BAZ2B: variants seen among roughly 807,000 people sequenced by gnomAD.
BAZ2B encodes bromodomain adjacent to zinc finger domain 2B, also known as bromodomain adjacent to zinc finger domain protein 2B.
In BAZ2B, 91 loss-of-function variants were observed where a neutral mutation model predicts 246.0. The ratio of observed to expected loss-of-function variants is 0.37; its 90% CI spans 0.31 to 0.44. BAZ2B has a LOEUF of 0.44. BAZ2B is among the 20% of genes least tolerant of loss of function. BAZ2B has a pLI of 1.00. For synonymous variants in BAZ2B, 855 were observed against 860.0 expected, an observed-to-expected ratio of 0.99 and a Z score of 0.10; for missense variants, 2,332 against 2,533.7, an observed-to-expected ratio of 0.92 and a Z score of 1.71.
chr2:159,705,969 A>G, the BAZ2B span, among the ~76,000 whole-genome samples: 17 of 143,820 alleles, frequency 1.2e-4, no homozygotes, highest in Admixed American at 4.2e-4. Flanking sequence ...TTTAGAGAAA[A>G]GGTACTATAG....
intron 2 of BAZ2B, chr2:159,555,454 TTA>T (rs2088983602): frequency 6.6e-6 from 1 of 152,166 alleles, no homozygotes; most frequent in Non-Finnish European, 1.5e-5. Context: ...TAATTTACTT[TTA>T]TATATATTTC....
intron 27 of BAZ2B, among the ~76,000 whole-genome samples, chr2:159,372,215 T>C (rs2060925687): frequency 6.6e-6 from 1 of 152,218 alleles, no homozygotes; most frequent in African/African-American, 2.4e-5. Flanking sequence ...GTCTAGCACA[T>C]AGCAGGCATT....
the BAZ2B span, among the ~76,000 whole-genome samples, chr2:159,673,344 A>G: frequency 6.6e-6 from 1 of 152,200 alleles, no homozygotes; most frequent in Non-Finnish European, 1.5e-5. Context: ...TAAAAACTCT[A>G]AAGTTTGACA....
chr2:159,350,582 T>C (rs2058444895), intron 27 of BAZ2B, among the ~76,000 whole-genome samples: 1 of 152,104 alleles, frequency 6.6e-6, no homozygotes, highest in South Asian at 2.1e-4. Context: ...TTACATTTTA[T>C]TTTGAGATGG....
rs1359484603 is a variant in BAZ2B at position 159,319,820 on chromosome 2, G to A, written c.*445C>T. ...CACAGAAAACGAAGATTCTGGATGT[G>A]GTTTAATCATAAATAATTCATAAAA... On this transcript the variant is annotated 3_prime_UTR_variant, in exon 37 of 37. Transcript: ENST00000392783. The surrounding 1 kb of genome is among the most constrained non-coding windows in gnomAD (Gnocchi z 4.0). 6.6e-6 allele frequency: 1 copy of A among 152,104 alleles called. No individual in the cohort carries two copies. Among genetic ancestry groups the A allele is most frequent in the Non-Finnish European group, 1.5e-5 (1 of 67,934 alleles). The allele number at this position is 152,104 out of a possible 1,614,324, so 9.4% of individuals were successfully genotyped here. A position where few individuals can be genotyped will look rare whatever the true frequency, so the allele number is the denominator to read the frequency against.
upstream of BAZ2B, among the ~76,000 whole-genome samples, chr2:159,620,575 G>A (rs1291853030): frequency 1.3e-5 from 2 of 152,144 alleles, no homozygotes; most frequent in Non-Finnish European, 2.9e-5. Flanking sequence ...GATGTTATTT[G>A]AACTGCATCT....
chr2:159,495,211 C>T (rs1048975670), intron 2 of BAZ2B, among the ~76,000 whole-genome samples: 6 of 152,010 alleles, frequency 3.9e-5, no homozygotes, highest in Admixed American at 6.5e-5. Context: ...GAAGGCCGGG[C>T]GCGGTGGCTC....
At chr2:159,604,209 AT>A (rs913229329) in intron 1 of BAZ2B, among the ~76,000 whole-genome samples, 3 of 151,978 alleles carry the variant, frequency 2.0e-5, no homozygotes, top group African/African-American at 7.2e-5. Context: ...ATGGGAATTT[AT>A]TTTTTTTAAT....
chr2:159,637,820 C>T, the BAZ2B span, among the ~76,000 whole-genome samples: 1 of 152,202 alleles, frequency 6.6e-6, no homozygotes, highest in Admixed American at 6.5e-5. Flanking sequence ...CCTCAGCCTC[C>T]CAAATTGTTA....
chr2:159,688,058 T>C, the BAZ2B span, among the ~76,000 whole-genome samples: 10 of 152,228 alleles, frequency 6.6e-5, no homozygotes, highest in African/African-American at 2.4e-4. Context: ...TATTGTTTTT[T>C]AAGGCAGAGT....
At chr2:159,375,033 T>C (rs960708334) in intron 25 of BAZ2B, among the ~76,000 whole-genome samples, 5 of 152,092 alleles carry the variant, frequency 3.3e-5, no homozygotes, top group South Asian at 2.1e-4. Flanking sequence ...CTGGACATCA[T>C]AGTCAGACCC....
chr2:159,595,969 C>T (rs1163722910), intron 1 of BAZ2B, among the ~76,000 whole-genome samples: 1 of 149,186 alleles, frequency 6.7e-6, no homozygotes, highest in South Asian at 2.2e-4. Flanking sequence ...CTTACTCTGG[C>T]TTGGGAGGCT....
At chr2:159,691,977 T>C in the BAZ2B span, among the ~76,000 whole-genome samples, 4 of 152,194 alleles carry the variant, frequency 2.6e-5, no homozygotes. Flanking sequence ...ATCATTCTGC[T>C]TGCTTACATT....
intron 6 of BAZ2B, among the ~76,000 whole-genome samples, chr2:159,439,630 C>G (rs997657638): frequency 5.3e-5 from 8 of 152,126 alleles, no homozygotes; most frequent in Non-Finnish European, 1.2e-4. Context: ...TATAACATGC[C>G]ACACACACCT....
intron 3 of BAZ2B, among the ~76,000 whole-genome samples, chr2:159,471,020 T>C (rs2077713892): frequency 6.6e-6 from 1 of 151,174 alleles, no homozygotes; most frequent in Admixed American, 6.6e-5. Flanking sequence ...TACAGGAATC[T>C]GGGGGAAAAA....
the BAZ2B span, among the ~76,000 whole-genome samples, chr2:159,625,367 C>T: frequency 1.3e-5 from 2 of 152,040 alleles, no homozygotes; most frequent in South Asian, 2.1e-4. Flanking sequence ...CCCCAAGACA[C>T]GCAATCATCA....
upstream of BAZ2B, among the ~76,000 whole-genome samples, chr2:159,620,401 A>C (rs768679126): frequency 1.3e-4 from 20 of 152,226 alleles, no homozygotes; most frequent in Admixed American, 7.2e-4. Context: ...CTGGAAAAAC[A>C]TGAAAAGCTC....
chr2:159,556,898 A>T (rs7562052), intron 1 of BAZ2B, among the ~76,000 whole-genome samples: 8,259 of 152,236 alleles, frequency 0.054, 391 homozygotes, highest in African/African-American at 0.12. Flanking sequence ...CTCATAACGA[A>T]TCCTTCAAAG....
Position 159,412,433 on chromosome 2 carries a change from G to A in BAZ2B, c.2579C>T (p.Ser860Phe). ...TCGACCTTTCCGACGTCTCATCCTGGATTCCTCTCTTGCTCGTTGTCTATC... is the reference window on the plus strand; with the variant it reads ...TCGACCTTTCCGACGTCTCATCCTGAATTCCTCTCTTGCTCGTTGTCTATC... ...NPDRQRAREE[S>F]RMRRRKGRPP... Residue 860 changes from serine (S) to phenylalanine (F), a missense_variant, in exon 14 of 37, where the codon TCC (serine) becomes TTC (phenylalanine). Coordinates refer to ENST00000392783, the MANE Select transcript of BAZ2B (RefSeq NM_013450.4). 6.2e-7 allele frequency: 1 copy of A among 1,614,054 alleles called. No individual in the cohort carries two copies. The highest frequency in any genetic ancestry group is 8.5e-7 in the Non-Finnish European group (1 of 1,179,988).
Sources: allele counts gnomAD v4.1 joint callset (sites outside exome capture counted in the v4.1 genomes callset), GRCh38; gene constraint gnomAD v4.1.1; non-coding constraint Gnocchi (gnomAD v3.1); transcripts MANE v1.5; gene names NCBI Gene and HGNC (gene_info 2026-07-23, HGNC 2026-07-21).